The following CADM1 variants were observed in gnomAD, a reference collection of about 807,000 sequenced individuals.
CADM1 encodes cell adhesion molecule 1.
CADM1 carries 15 observed loss-of-function variants against 53.1 expected under a neutral mutation model. That is an observed-to-expected ratio of 0.28 (90% CI 0.19 to 0.44). The LOEUF (loss-of-function observed/expected upper bound fraction) is 0.44, where lower values mean the gene tolerates loss of function less well. CADM1 is among the 20% of genes least tolerant of loss of function. The pLI is 1.00. For missense variants in CADM1, 434 were observed against 611.3 expected (o/e 0.71, Z 3.06); for synonymous variants, 281 against 243.0 (o/e 1.16, Z -1.45).
At position 115,169,480 on chromosome 11, in the gene CADM1, A is replaced by G; in HGVS notation, c.*6994T>C. The G allele has an allele frequency of 2.4e-6, 1 of 410,036 alleles. No individual in the cohort carries two copies. Among genetic ancestry groups the G allele is most frequent in the Non-Finnish European group, 4.9e-6 (1 of 205,358 alleles). 25.4% of individuals were successfully genotyped at this position (410,036 alleles called of 1,614,324 possible). A position where few individuals can be genotyped will look rare whatever the true frequency, so the allele number is the denominator to read the frequency against. On this transcript the variant is annotated 3_prime_UTR_variant, in exon 12 of 12. Coordinates refer to ENST00000331581, the MANE Select transcript of CADM1 (RefSeq NM_001301043.2). ...CAATGGGCTTTGGCAGGGAAGTAGGAGCAAAAAACCCAAGTAGGACATTTC... is the reference window on the plus strand; with the variant it reads ...CAATGGGCTTTGGCAGGGAAGTAGGGGCAAAAAACCCAAGTAGGACATTTC...
At chr11:115,283,661 A>T (rs1361921920) in intron 1 of CADM1, among the ~76,000 whole-genome samples, 3 of 152,252 alleles carry the variant, frequency 2.0e-5, no homozygotes, top group Admixed American at 2.0e-4. Flanking sequence ...AGACAGAAAG[A>T]AAACAATGCA....
intron 1 of CADM1, among the ~76,000 whole-genome samples, chr11:115,378,549 G>A (rs925890801): frequency 6.6e-6 from 1 of 152,082 alleles, no homozygotes; most frequent in African/African-American, 2.4e-5. Context: ...AATACAGTAA[G>A]AAAGGAAACT....
At chr11:115,281,309 T>C (rs1943577872) in intron 1 of CADM1, among the ~76,000 whole-genome samples, 1 of 152,158 alleles carries the variant, frequency 6.6e-6, no homozygotes, top group African/African-American at 2.4e-5. Context: ...CCAATAAAAA[T>C]AATAAATCAT....
intron 1 of CADM1, among the ~76,000 whole-genome samples, chr11:115,405,553 C>A (rs1296514164): frequency 6.6e-6 from 1 of 152,168 alleles, no homozygotes; most frequent in Non-Finnish European, 1.5e-5. Flanking sequence ...CTGGATGTAA[C>A]AGTCTACTGC....
At position 115,308,211 on chromosome 11, in the gene CADM1, T is replaced by TATATATACAC. The variant is rs139012671; in HGVS notation, c.125-67792_125-67791insGTGTATATAT. Among the ~76,000 whole-genome samples the TATATATACAC allele has an allele frequency of 4.9e-3, 678 of 139,328 alleles. 15 individuals carry two copies. Among genetic ancestry groups the TATATATACAC allele is most frequent in the African/African-American group, 0.011 (423 of 36,866 alleles). 91.4% of individuals were successfully genotyped at this position (139,328 alleles called of 152,430 possible). A position where few individuals can be genotyped will look rare whatever the true frequency, so the allele number is the denominator to read the frequency against. On this transcript the variant is annotated intron_variant, in intron 1 of 11. Coordinates refer to ENST00000331581, the MANE Select transcript of CADM1 (RefSeq NM_001301043.2). ...ATAGGTGTGTATATATATATATATA[T>TATATATACAC]ACACACCTATGAGAAGGTTTTTGTC...
chr11:115,256,941 C>CT, intron 1 of CADM1: 1 of 455,332 alleles, frequency 2.2e-6, no homozygotes. Flanking sequence ...ATTTTGGTCT[C>CT]TTAAAAAAGT....
rs1028918704 is a variant in CADM1 at position 115,286,736 on chromosome 11, A to C, written c.125-46316T>G. ...TCTTTACAGAACTACCTCTCCCCCC[A>C]GTTAAGGAACAATTTTGCCAATCAG... On this transcript the variant is annotated intron_variant, in intron 1 of 11. Transcript: ENST00000331581. Among the ~76,000 whole-genome samples, 30 of 152,154 alleles carry C rather than the reference A, an allele frequency of 2.0e-4. 1 individual carries two copies. The highest frequency in any genetic ancestry group is 1.3e-4 in the Admixed American group (2 of 15,280).
chr11:115,304,673 TACCACAAACA>T, intron 1 of CADM1, among the ~76,000 whole-genome samples: 1 of 152,172 alleles, frequency 6.6e-6, no homozygotes, highest in East Asian at 1.9e-4. Flanking sequence ...TTGGATATCA[TACCACAAACA>T]GGTATACAAA....
intron 5 of CADM1, among the ~76,000 whole-genome samples, chr11:115,226,687 G>T (rs1941621398): frequency 6.6e-6 from 1 of 152,180 alleles, no homozygotes; most frequent in Non-Finnish European, 1.5e-5. Context: ...GGGGGCACTG[G>T]AGTTGAGCCA....
chr11:115,372,187 G>A (rs971869194), intron 1 of CADM1, among the ~76,000 whole-genome samples: 3 of 152,136 alleles, frequency 2.0e-5, no homozygotes, highest in African/African-American at 7.2e-5. Context: ...GCAAATTCAT[G>A]TGCTTTCTTT....
chr11:115,491,382 G>A lies in CADM1; in HGVS notation c.124+12889C>T, dbSNP rs1364148608. 5.3e-5 allele frequency among the ~76,000 whole-genome samples: 8 copies of A among 151,956 alleles called. No homozygotes were observed. The South Asian group carries it at 6.2e-4, about 12-fold the overall frequency. On this transcript the variant is annotated intron_variant, in intron 1 of 11. Coordinates refer to ENST00000331581, the MANE Select transcript of CADM1 (RefSeq NM_001301043.2). ...AGATCGAGACCATCCTGGCTAACAC[G>A]GTGAAACCCCATCTCTACTAAAAAT...
At chr11:115,374,951 C>T (rs1478949763) in intron 1 of CADM1, among the ~76,000 whole-genome samples, 1 of 151,972 alleles carries the variant, frequency 6.6e-6, no homozygotes, top group Non-Finnish European at 1.5e-5. Context: ...TAATATAAGG[C>T]AATTACAGAA....
At chr11:115,315,879 T>G (rs1452005600) in intron 1 of CADM1, among the ~76,000 whole-genome samples, 1 of 152,180 alleles carries the variant, frequency 6.6e-6, no homozygotes, top group Non-Finnish European at 1.5e-5. Context: ...AAGCCCATAC[T>G]TTTGCTAAAA....
chr11:115,217,499 C>T (rs1941236308), intron 6 of CADM1, among the ~76,000 whole-genome samples: 1 of 152,116 alleles, frequency 6.6e-6, no homozygotes, highest in East Asian at 1.9e-4. Flanking sequence ...AACATAGCAG[C>T]TTAATGTAAG....
At chr11:115,503,441 C>A (rs553007475) in intron 1 of CADM1, among the ~76,000 whole-genome samples, 1 of 152,186 alleles carries the variant, frequency 6.6e-6, no homozygotes, top group Non-Finnish European at 1.5e-5. Context: ...CCGCCACCCT[C>A]GGGCCGCCGA....
chr11:115,416,696 AAT>A (rs1273662726), intron 1 of CADM1, among the ~76,000 whole-genome samples: 1 of 99,472 alleles, frequency 1.0e-5, no homozygotes, highest in Non-Finnish European at 2.3e-5. Context: ...GTAAGGATTA[AAT>A]ACACACACAC....
At chr11:115,407,660 G>A (rs1468458718) in intron 1 of CADM1, among the ~76,000 whole-genome samples, 1 of 152,018 alleles carries the variant, frequency 6.6e-6, no homozygotes, top group African/African-American at 2.4e-5. Context: ...TTGGGAGGCA[G>A]AGGCAGGAAG....
At chr11:115,347,686 T>G (rs765094382) in intron 1 of CADM1, among the ~76,000 whole-genome samples, 10 of 152,220 alleles carry the variant, frequency 6.6e-5, no homozygotes, top group Non-Finnish European at 1.3e-4. Context: ...AATGGAATAT[T>G]TTTTCAACTA....
At chr11:115,374,604 A>T (rs1329431490) in intron 1 of CADM1, among the ~76,000 whole-genome samples, 1 of 152,162 alleles carries the variant, frequency 6.6e-6, no homozygotes, top group African/African-American at 2.4e-5. Context: ...AAAGGTACAG[A>T]CATTATATAC....
Sources: allele counts gnomAD v4.1 joint callset (sites outside exome capture counted in the v4.1 genomes callset), GRCh38; gene constraint gnomAD v4.1.1; transcripts MANE v1.5; gene names NCBI Gene and HGNC (gene_info 2026-07-23, HGNC 2026-07-21).